ITPR3: variants seen among roughly 807,000 people sequenced by gnomAD.
The protein encoded by ITPR3 is inositol 1,4,5-trisphosphate receptor type 3.
In ITPR3, 173 loss-of-function variants were observed where a neutral mutation model predicts 293.2. The observed-to-expected ratio is 0.59, with a 90% CI of 0.52 to 0.67. The LOEUF (loss-of-function observed/expected upper bound fraction) is 0.67, where lower values mean the gene tolerates loss of function less well. Ranked by LOEUF, ITPR3 falls within the 30% of genes least tolerant of loss-of-function variation. The pLI is 0.00. For synonymous variants in ITPR3, 1,295 were observed against 1,444.4 expected (o/e 0.90, Z 2.35); for missense variants, 2,796 against 3,592.1 (o/e 0.78, Z 5.66).
Position 33,671,129 on chromosome 6 carries a change from C to T in ITPR3, c.2587-36C>T, listed in dbSNP as rs769857145. 7.4e-6 allele frequency: 12 copies of T among 1,610,782 alleles called. No individual in the cohort carries two copies. In the East Asian group the frequency reaches 2.5e-4, roughly 33 times the overall value. The stretch of plus-strand genomic sequence containing the variant: ...CGAAGCCCCGCCCCTACGCGCCGGC[C>T]CCTCCCACCTCACCTCGGCCACGCC... On this transcript the variant is annotated intron_variant, in intron 20 of 57. Transcript: ENST00000605930.
At chr6:33,689,656 G>A (rs1173486002) in intron 50 of ITPR3, among the ~76,000 whole-genome samples, 1 of 152,284 alleles carries the variant, frequency 6.6e-6, no homozygotes, top group Non-Finnish European at 1.5e-5. Context: ...AACAGGGTCA[G>A]GGTGGCTGTG....
In ITPR3 at chr6:33,679,914, C is replaced by A. The variant is rs760771641; in HGVS notation, c.4005C>A (p.Phe1335Leu). 3.0e-5 allele frequency: 48 copies of A among 1,613,680 alleles called. No homozygotes were observed. Among genetic ancestry groups the A allele is most frequent in the Admixed American group, 1.5e-4 (9 of 59,992 alleles). The change falls in exon 31 of 58, where the codon TTC becomes TTA. Residue 1335 changes from phenylalanine (F) to leucine (L), a missense_variant. By Grantham distance (22) the Phe-to-Leu change is conservative. This residue lies in a region of ITPR3 where 344 missense variants were observed against 460.3 expected (regional missense o/e 0.75). Transcript: ENST00000605930. The surrounding 1 kb of genome is among the most constrained non-coding windows in gnomAD (Gnocchi z 4.2). ...LTNAGDDVVVFYNDKASLAHL... is the reference protein window; with the variant it reads ...LTNAGDDVVVLYNDKASLAHL... ...ATGCAGGTGACGATGTGGTCGTGTT[C>A]TACAATGATAAGGCATCGCTGGCCC...
chr6:33,695,917 A>ACC lies in ITPR3; in HGVS notation c.*139_*140dup. On this transcript the variant is annotated 3_prime_UTR_variant, in exon 58 of 58. Coordinates refer to ENST00000605930, the MANE Select transcript of ITPR3 (RefSeq NM_002224.4). ...CTCCCACTCTGCCAGACACCCTGAC[A>ACC]CCCACCCAGGCTTTGAAGAGCATGG... The ACC allele has an allele frequency of 1.3e-6, 1 of 744,352 alleles. No individual in the cohort carries two copies. Among genetic ancestry groups the ACC allele is most frequent in the Non-Finnish European group, 2.3e-6 (1 of 437,088 alleles). 46.1% of individuals were successfully genotyped at this position (744,352 alleles called of 1,614,324 possible). A position where few individuals can be genotyped will look rare whatever the true frequency, so the allele number is the denominator to read the frequency against.
rs762635405 is a variant in ITPR3 at position 33,663,766 on chromosome 6, A to G, written c.1034A>G (p.Asn345Ser). The part of the protein sequence containing the change: ...MGAQGRTGRR[N>S]AGEKIKYCLV... The stretch of plus-strand genomic sequence containing the variant: ...GCACAGGGCCGCACAGGCCGCAGGA[A>G]TGCTGGGGAGAAGATCAAGTACTGC... Residue 345 changes from asparagine to serine, a missense_variant, in exon 11 of 58, where the codon AAT (asparagine) becomes AGT (serine). Around this residue, in one of 8 missense-constraint regions of ITPR3, gnomAD observed 955 missense variants for 1,180.8 expected, o/e 0.81. Coordinates refer to ENST00000605930, the MANE Select transcript of ITPR3 (RefSeq NM_002224.4). 3 of 1,614,002 alleles carry G rather than the reference A, an allele frequency of 1.9e-6. No individual in the cohort carries two copies. Among genetic ancestry groups the G allele is most frequent in the Non-Finnish European group, 2.5e-6 (3 of 1,179,998 alleles).
chr6:33,636,605 C>T (rs1276828666), intron 1 of ITPR3, among the ~76,000 whole-genome samples: 1 of 151,776 alleles, frequency 6.6e-6, no homozygotes, highest in Non-Finnish European at 1.5e-5. Context: ...GATGGAGTTG[C>T]CATCGACTGA....
At chr6:33,671,858 A>C (rs772273091) in intron 21 of ITPR3, among the ~76,000 whole-genome samples, 171 bp from the exon 22 acceptor site, 8 of 152,010 alleles carry the variant, frequency 5.3e-5, no homozygotes, top group Non-Finnish European at 8.8e-5. Context: ...CTTAAAGCTC[A>C]TGTCCTCCAG....
chr6:33,647,943 G>T (rs1266307238), intron 2 of ITPR3, among the ~76,000 whole-genome samples: 1 of 152,064 alleles, frequency 6.6e-6, no homozygotes, highest in Non-Finnish European at 1.5e-5. Flanking sequence ...CGCTGCCGTT[G>T]TATCATTTTG....
Position 33,684,661 on chromosome 6 carries a change from G to A in ITPR3, c.5110G>A (p.Gly1704Arg). The A allele has an allele frequency of 6.2e-7, 1 of 1,614,100 alleles. No homozygotes were observed. The change falls in exon 38 of 58, where the codon GGG (glycine) becomes AGG (arginine). Residue 1704 changes from glycine (G) to arginine (R), a missense_variant. Physicochemically the swap from Gly to Arg is moderately radical, Grantham distance 125. Coordinates refer to ENST00000605930, the MANE Select transcript of ITPR3 (RefSeq NM_002224.4). This position sits in a 1 kb window ranked among gnomAD's most constrained non-coding sequence, Gnocchi z 4.2. The stretch of plus-strand genomic sequence containing the variant: ...CCAGAACCGGAAGTCCACCTCGCGG[G>A]GGGACCTTCCCGACCCCATAGGCAC... The part of the protein sequence containing the change: ...YLQNRKSTSR[G>R]DLPDPIGTGL...
intron 13 of ITPR3, 49 bp from the exon 14 acceptor site, chr6:33,665,786 C>T (rs765193179): frequency 6.2e-7 from 1 of 1,605,772 alleles, no homozygotes; most frequent in African/African-American, 1.3e-5. Context: ...AGAGGGACAC[C>T]TGCTGGGTGG....
intron 1 of ITPR3, among the ~76,000 whole-genome samples, chr6:33,627,888 G>A (rs1172658949): frequency 6.6e-6 from 1 of 152,162 alleles, no homozygotes; most frequent in African/African-American, 2.4e-5. Context: ...GGTGGCGCGG[G>A]GTTGGCTCAG....
At chr6:33,662,777 C>G in intron 8 of ITPR3, 103 bp downstream of exon 8, 1 of 1,510,540 alleles carries the variant, frequency 6.6e-7, no homozygotes, top group Non-Finnish European at 8.9e-7. Context: ...CTACCTCCCT[C>G]TGAGTCCCTC....
Position 33,621,557 on chromosome 6 carries a change from C to A in ITPR3, c.-46C>A. 6.9e-7 allele frequency: 1 copy of A among 1,453,078 alleles called. No homozygotes were observed. Among genetic ancestry groups the A allele is most frequent in the Non-Finnish European group, 9.5e-7 (1 of 1,055,340 alleles). 90.0% of individuals were successfully genotyped at this position (1,453,078 alleles called of 1,614,324 possible). ...GTCCTCCGCACTGAGCTTGGCCACG[C>A]GCCCCTAGGCGCCCCCCACGCCCTG... On this transcript the variant is annotated 5_prime_UTR_variant, in exon 1 of 58. Transcript: ENST00000605930. This position sits in a 1 kb window ranked among gnomAD's most constrained non-coding sequence, Gnocchi z 7.7.
intron 2 of ITPR3, among the ~76,000 whole-genome samples, chr6:33,650,071 C>G (rs1764152413): frequency 6.6e-6 from 1 of 152,234 alleles, no homozygotes. Flanking sequence ...TAGGAAACCT[C>G]CCTGGACCCT....
rs958725990 is a variant in ITPR3, at chr6:33,675,012, G to T, written c.3117-679G>T. On this transcript the variant is annotated intron_variant, in intron 24 of 57. Transcript: ENST00000605930. The surrounding 1 kb of genome is among the most constrained non-coding windows in gnomAD (Gnocchi z 5.0). ...ATATTTCCTCACTGAAGGAAATGCTGTATTTTGGTTAGAGGTTGGGAAAAA... is the reference window on the plus strand; with the variant it reads ...ATATTTCCTCACTGAAGGAAATGCTTTATTTTGGTTAGAGGTTGGGAAAAA... Among the ~76,000 whole-genome samples the T allele has an allele frequency of 1.3e-5, 2 of 152,170 alleles. No individual in the cohort carries two copies. Among genetic ancestry groups the T allele is most frequent in the Non-Finnish European group, 2.9e-5 (2 of 68,026 alleles).
chr6:33,641,716 G>A (rs932887533), intron 2 of ITPR3, among the ~76,000 whole-genome samples: 3 of 151,782 alleles, frequency 2.0e-5, no homozygotes, highest in Non-Finnish European at 2.9e-5. Context: ...CAGCCTCCCT[G>A]CCATTCCTCA....
chr6:33,657,476 T>C (rs1411585052), intron 3 of ITPR3, among the ~76,000 whole-genome samples: 1 of 126,726 alleles, frequency 7.9e-6, no homozygotes, highest in South Asian at 2.5e-4. Context: ...GTGGGGGTGG[T>C]GGTGGGAGCC....
In ITPR3 at chr6:33,633,164, T is replaced by C. The variant is rs1763723440; in HGVS notation, c.90-7320T>C. 6.6e-6 allele frequency among the ~76,000 whole-genome samples: 1 copy of C among 151,718 alleles called. No individual in the cohort carries two copies. The highest frequency in any genetic ancestry group is 1.5e-5 in the Non-Finnish European group (1 of 67,940). On this transcript the variant is annotated intron_variant, in intron 1 of 57. Coordinates refer to ENST00000605930, the MANE Select transcript of ITPR3 (RefSeq NM_002224.4). This position sits in a 1 kb window ranked among gnomAD's most constrained non-coding sequence, Gnocchi z 5.2. The stretch of plus-strand genomic sequence containing the variant: ...TGCCGGTGGTGGGCGTAGCGGGGCG[T>C]GGGCAGGGAACCACACGGGAGCCTC...
At position 33,669,345 on chromosome 6, in the gene ITPR3, C is replaced by G. The variant is rs1764698313; in HGVS notation, c.2189+189C>G. ...TTCCAGGAAGGCTGAGTGAAGAGGA[C>G]TGTGTGCCCCGAATAGCACTGGGTG... is the stretch of plus-strand genomic sequence containing the variant. On this transcript the variant is annotated intron_variant, in intron 18 of 57. Transcript: ENST00000605930. Among the ~76,000 whole-genome samples the G allele has an allele frequency of 6.6e-6, 1 of 152,246 alleles. No individual in the cohort carries two copies. The highest frequency in any genetic ancestry group is 1.5e-5 in the Non-Finnish European group (1 of 68,042).
chr6:33,622,802 G>T (rs1763468802), intron 1 of ITPR3, among the ~76,000 whole-genome samples: 1 of 152,176 alleles, frequency 6.6e-6, no homozygotes, highest in African/African-American at 2.4e-5. Flanking sequence ...TCTCTCCCAG[G>T]GTTGCTGGGA....
Sources: allele counts gnomAD v4.1 joint callset (sites outside exome capture counted in the v4.1 genomes callset), GRCh38; gene constraint gnomAD v4.1.1; regional missense constraint gnomAD v4.1.1; non-coding constraint Gnocchi (gnomAD v3.1); transcripts MANE v1.5; gene names NCBI Gene and HGNC (gene_info 2026-07-23, HGNC 2026-07-21).